The following PM20D1 variants were observed in gnomAD, a reference collection of about 807,000 sequenced individuals.
PM20D1 encodes the protein peptidase M20 domain containing 1, also known as N-fatty-acyl-amino acid synthase/hydrolase PM20D1.
PM20D1 carries 53 observed loss-of-function variants against 53.8 expected under a neutral mutation model. The observed-to-expected ratio is 0.98, with a 90% CI of 0.79 to 1.24. PM20D1 has a LOEUF of 1.24. PM20D1 is among the 50% of genes most tolerant of loss of function. The pLI is 0.00. For synonymous variants in PM20D1, 239 were observed against 241.3 expected, an observed-to-expected ratio of 0.99 and a Z score of 0.09; for missense variants, 564 against 616.8, an observed-to-expected ratio of 0.91 and a Z score of 0.91.
intron 10 of PM20D1, 47 bp from the exon 11 acceptor site, chr1:205,832,813 A>T: frequency 3.3e-6 from 5 of 1,509,840 alleles, no homozygotes; most frequent in Non-Finnish European, 4.4e-6. Flanking sequence ...TGATTTCTAT[A>T]CATGTACAAT....
At position 205,830,194 on chromosome 1, in the gene PM20D1, T is replaced by C. The variant is rs1454804578; in HGVS notation, c.1385+86A>G. ...AATCCTGGCTTTCCCCCTGATTCTG[T>C]GGACTGCCAGGAGCATGGGGTAGGA... On this transcript the variant is annotated intron_variant, in intron 12 of 12. Coordinates refer to ENST00000367136, the MANE Select transcript of PM20D1 (RefSeq NM_152491.5). The C allele has an allele frequency of 3.8e-6, 4 of 1,041,442 alleles. No individual in the cohort carries two copies. The African/African-American group carries it at 6.3e-5, about 16-fold the overall frequency. The allele number at this position is 1,041,442 out of a possible 1,614,324, so 64.5% of individuals were successfully genotyped here.
At chr1:205,839,485 C>T (rs542068177) in intron 10 of PM20D1, among the ~76,000 whole-genome samples, 2 of 152,230 alleles carry the variant, frequency 1.3e-5, no homozygotes, top group African/African-American at 4.8e-5. Context: ...CCTCAATTTT[C>T]ACCAGTTAAA....
intron 11 of PM20D1, among the ~76,000 whole-genome samples, chr1:205,831,466 A>G (rs1436066837): frequency 6.6e-6 from 1 of 152,162 alleles, no homozygotes; most frequent in Non-Finnish European, 1.5e-5. Flanking sequence ...GTTTGGAGGA[A>G]TCTCTGATTA....
chr1:205,840,736 C>G (rs983986178), intron 9 of PM20D1, among the ~76,000 whole-genome samples: 1 of 152,228 alleles, frequency 6.6e-6, no homozygotes, highest in African/African-American at 2.4e-5. Context: ...GCCAGAGCCT[C>G]TGTTGACCCC....
At chr1:205,830,247 C>G (rs1448459942) in intron 12 of PM20D1, 33 bp downstream of exon 12, 2 of 1,464,284 alleles carry the variant, frequency 1.4e-6, no homozygotes, top group African/African-American at 1.4e-5. Context: ...TATTTCTTTT[C>G]TCCCACCTGC....
At chr1:205,842,886 C>T in intron 6 of PM20D1, 135 bp from the exon 7 acceptor site, 1 of 687,684 alleles carries the variant, frequency 1.5e-6, no homozygotes, top group Non-Finnish European at 2.6e-6. Flanking sequence ...TCCCTCCCAC[C>T]TCCACCAACT....
chr1:205,828,732 A>G lies in PM20D1; in HGVS notation c.1397T>C (p.Val466Ala). 6.2e-7 allele frequency: 1 copy of G among 1,613,948 alleles called. No homozygotes were observed. Among genetic ancestry groups the G allele is most frequent in the East Asian group, 2.2e-5 (1 of 44,874 alleles). The change falls in exon 13 of 13, where the codon GTC becomes GCC. Residue 466 changes from valine to alanine, a missense_variant. By Grantham distance (64) the Val-to-Ala change is moderately conservative (BLOSUM62 0). Coordinates refer to ENST00000367136, the MANE Select transcript of PM20D1 (RefSeq NM_152491.5). ...GGCTTGGACTGAGATTTTCTCGTTGACTCCATGGATGCTGAGGAAAGTAAG... is the reference window on the plus strand; with the variant it reads ...GGCTTGGACTGAGATTTTCTCGTTGGCTCCATGGATGCTGAGGAAAGTAAG... Reference protein sequence around the residue: ...QPEDFKRIHGVNEKISVQAYE... With the variant: ...QPEDFKRIHGANEKISVQAYE...
chr1:205,845,032 G>C (rs1439820842), intron 3 of PM20D1, 135 bp from the exon 4 acceptor site: 2 of 749,550 alleles, frequency 2.7e-6, no homozygotes, highest in Non-Finnish European at 4.4e-6. Context: ...AAAGAGAACA[G>C]ATTCAAATGG....
chr1:205,840,163 C>G (rs1656774678), intron 10 of PM20D1, 89 bp downstream of exon 10: 2 of 1,099,480 alleles, frequency 1.8e-6, no homozygotes, highest in East Asian at 5.4e-5. Flanking sequence ...GACACTGGAC[C>G]AGCCCTAGGA....
At chr1:205,838,230 C>T (rs984852180) in intron 10 of PM20D1, among the ~76,000 whole-genome samples, 4 of 151,878 alleles carry the variant, frequency 2.6e-5, no homozygotes, top group African/African-American at 9.7e-5. Flanking sequence ...ATCTGATAGT[C>T]ACTGGGTTGT....
At chr1:205,832,899 G>T (rs189638346) in intron 10 of PM20D1, 133 bp from the exon 11 acceptor site, 1 of 1,023,036 alleles carries the variant, frequency 9.8e-7, no homozygotes, top group Non-Finnish European at 1.4e-6. Context: ...TTTTTTTTAA[G>T]CACTGGGACT....
intron 6 of PM20D1, 146 bp downstream of exon 6, chr1:205,843,521 G>T: frequency 8.4e-7 from 1 of 1,183,500 alleles, no homozygotes; most frequent in Non-Finnish European, 1.2e-6. Flanking sequence ...TTCCCCTTCT[G>T]TTCTTCCTCT....
chr1:205,828,876 G>C, intron 12 of PM20D1, 133 bp from the exon 13 acceptor site: 1 of 1,208,324 alleles, frequency 8.3e-7, no homozygotes, highest in East Asian at 2.6e-5. Context: ...AGGAAAGAGA[G>C]GGGCAAGGGA....
intron 10 of PM20D1, among the ~76,000 whole-genome samples, chr1:205,839,910 C>CAAAAAAAAAAAAA (rs567749262): frequency 1.7e-5 from 1 of 58,090 alleles, no homozygotes; most frequent in Non-Finnish European, 2.8e-5. Context: ...GACTCTGACT[C>CAAAAAAAAAAAAA]AAAAAAAAAA....
At chr1:205,849,116 G>C (rs1005012555) in intron 1 of PM20D1, among the ~76,000 whole-genome samples, 1 of 152,308 alleles carries the variant, frequency 6.6e-6, no homozygotes, top group East Asian at 1.9e-4. Context: ...CCCTGCATCT[G>C]CTTCTATATG....
chr1:205,847,005 T>C (rs865943087), intron 2 of PM20D1, among the ~76,000 whole-genome samples: 222 of 116,486 alleles, frequency 1.9e-3, no homozygotes, highest in African/African-American at 5.7e-3. Context: ...TTCCTTCCTT[T>C]CTTTTTTTTT....
chr1:205,849,924 G>C lies in PM20D1; in HGVS notation c.149C>G (p.Ala50Gly). The change falls in exon 1 of 13, where the codon GCG becomes GGG. Residue 50 changes from alanine (A) to glycine (G), a missense_variant. Transcript: ENST00000367136. ...PSQFSKEERV[A>G]MKEALKGAIQ... The stretch of plus-strand genomic sequence containing the variant: ...TTCACCTTTCAGCGCCTCTTTCATC[G>C]CGACGCGTTCCTCTTTGCTGAACTG... 1 of 1,613,000 alleles carries C rather than the reference G, an allele frequency of 6.2e-7. No individual in the cohort carries two copies. Among genetic ancestry groups the C allele is most frequent in the Non-Finnish European group, 8.5e-7 (1 of 1,179,226 alleles).
At chr1:205,832,489 C>G in intron 11 of PM20D1, 109 bp downstream of exon 11, 8 of 1,243,112 alleles carry the variant, frequency 6.4e-6, no homozygotes, top group Non-Finnish European at 7.9e-6. Flanking sequence ...GGGGAAGCAG[C>G]CAGCTGTTTA....
At position 205,832,675 on chromosome 1, in the gene PM20D1, TC is replaced by T. The variant is rs758701752; in HGVS notation, c.1207del (p.Asp403MetfsTer77). On this transcript the variant is annotated frameshift_variant, in exon 11 of 13. Coordinates refer to ENST00000367136, the MANE Select transcript of PM20D1 (RefSeq NM_152491.5). LOFTEE classifies it high-confidence loss of function. ...CAGCTGGTAGCCCAAGGCCTTGTCA[TC>T]AGAAGGGCTGACGGGGAGGGGGTCA... is the stretch of plus-strand genomic sequence containing the variant. ...AFDPLPVSPS[D>X]DKALGYQLLR... is the part of the protein sequence containing the mutation. The T allele has an allele frequency of 6.2e-7, 1 of 1,614,066 alleles. No homozygotes were observed. Among genetic ancestry groups the T allele is most frequent in the Non-Finnish European group, 8.5e-7 (1 of 1,180,010 alleles).
Sources: allele counts gnomAD v4.1 joint callset (sites outside exome capture counted in the v4.1 genomes callset), GRCh38; gene constraint gnomAD v4.1.1; transcripts MANE v1.5; gene names NCBI Gene and HGNC (gene_info 2026-07-23, HGNC 2026-07-21).